The following PTPRN2 variants were observed in gnomAD, a reference collection of about 807,000 sequenced individuals.
PTPRN2 encodes the protein protein tyrosine phosphatase receptor type N2.
PTPRN2 carries 74 observed loss-of-function variants against 118.8 expected under a neutral mutation model. That is an observed-to-expected ratio of 0.62 (90% CI 0.52 to 0.76). The LOEUF (loss-of-function observed/expected upper bound fraction) is 0.76, where lower values mean the gene tolerates loss of function less well. Ranked by LOEUF, PTPRN2 falls within the 30% of genes least tolerant of loss-of-function variation. The pLI is 0.00. For missense variants in PTPRN2, 1,481 were observed against 1,394.4 expected (o/e 1.06, Z -0.99); for synonymous variants, 641 against 608.0 (o/e 1.05, Z -0.80).
chr7:157,706,975 GA>G (rs1291466075), intron 12 of PTPRN2, among the ~76,000 whole-genome samples: 2 of 152,128 alleles, frequency 1.3e-5, no homozygotes, highest in Non-Finnish European at 2.9e-5. Flanking sequence ...CATCCTTCCA[GA>G]ATGCCGGGAA....
chr7:158,324,531 T>C (rs1419028002), intron 2 of PTPRN2, among the ~76,000 whole-genome samples: 1 of 151,786 alleles, frequency 6.6e-6, no homozygotes, highest in Non-Finnish European at 1.5e-5. Flanking sequence ...TAGGAGGGGC[T>C]GGCATGAGTC....
At chr7:158,078,135 C>A (rs1487330453) in intron 11 of PTPRN2, among the ~76,000 whole-genome samples, 1 of 152,166 alleles carries the variant, frequency 6.6e-6, no homozygotes. Flanking sequence ...TACCACGTGA[C>A]GTTTGATGGG....
chr7:158,072,026 A>ATGGTGGAGGTGCTCATGG (rs1811938399), intron 11 of PTPRN2, among the ~76,000 whole-genome samples: 1 of 70,514 alleles, frequency 1.4e-5, no homozygotes, highest in Admixed American at 1.6e-4. Context: ...GGAGGTGCTC[A>ATGGTGGAGGTGCTCATGG]TGGTGGAGGT....
At chr7:158,268,760 C>A (rs555397781) in intron 3 of PTPRN2, among the ~76,000 whole-genome samples, 5 of 133,216 alleles carry the variant, frequency 3.8e-5, no homozygotes, top group African/African-American at 1.2e-4. Context: ...GCACACAGGG[C>A]GGGTGTGAAA....
At chr7:158,231,586 G>C (rs950979272) in intron 3 of PTPRN2, among the ~76,000 whole-genome samples, 1 of 152,074 alleles carries the variant, frequency 6.6e-6, no homozygotes, top group Non-Finnish European at 1.5e-5. Flanking sequence ...AATCAACAAA[G>C]AAACTTTAGA....
At chr7:158,224,989 G>A (rs1828644680) in intron 3 of PTPRN2, among the ~76,000 whole-genome samples, 1 of 152,042 alleles carries the variant, frequency 6.6e-6, no homozygotes, top group Non-Finnish European at 1.5e-5. Context: ...TCTCATCAGG[G>A]AAATGTCAAT....
intron 11 of PTPRN2, among the ~76,000 whole-genome samples, chr7:157,920,554 T>A (rs1007619840): frequency 5.3e-5 from 8 of 152,238 alleles, no homozygotes; most frequent in African/African-American, 1.9e-4. Flanking sequence ...AATGCTGAGA[T>A]GTTTGAGACT....
chr7:157,539,692 G>A lies in PTPRN2; in HGVS notation c.*1022C>T, dbSNP rs1797922216. ...AGGCTCTACGCAGTGCGTGCAGGTC[G>A]CCCTGATCTCCTCTCCCGGGAGGGA... On this transcript the variant is annotated 3_prime_UTR_variant, in exon 23 of 23. Transcript: ENST00000389418. The A allele has an allele frequency of 7.7e-6, 1 of 130,092 alleles. No homozygotes were observed. 8.1% of individuals were successfully genotyped at this position (130,092 alleles called of 1,614,324 possible). A position where few individuals can be genotyped will look rare whatever the true frequency, so the allele number is the denominator to read the frequency against.
chr7:157,904,481 C>T (rs976753369), intron 11 of PTPRN2, among the ~76,000 whole-genome samples: 1 of 152,246 alleles, frequency 6.6e-6, no homozygotes, highest in African/African-American at 2.4e-5. Context: ...CTCCACCATC[C>T]TCTGGAAAGC....
chr7:157,983,005 C>T (rs1456363603), intron 11 of PTPRN2, among the ~76,000 whole-genome samples: 3 of 3,132 alleles, frequency 9.6e-4, no homozygotes, highest in Admixed American at 2.2e-3. Context: ...GTCACAGAGA[C>T]GAGGAGGGGA....
intron 14 of PTPRN2, among the ~76,000 whole-genome samples, chr7:157,655,499 T>C (rs1806011206): frequency 6.6e-6 from 1 of 152,200 alleles, no homozygotes; most frequent in Non-Finnish European, 1.5e-5. Flanking sequence ...AATGTAAGCA[T>C]TTAACAGCAA....
chr7:158,110,233 T>C (rs1816111950), intron 10 of PTPRN2, among the ~76,000 whole-genome samples: 1 of 152,210 alleles, frequency 6.6e-6, no homozygotes, highest in Admixed American at 6.5e-5. Flanking sequence ...CCATCTCTGC[T>C]CCAAGCTTCA....
At chr7:157,817,222 T>C (rs1156524286) in intron 12 of PTPRN2, among the ~76,000 whole-genome samples, 2 of 152,068 alleles carry the variant, frequency 1.3e-5, no homozygotes, top group Non-Finnish European at 2.9e-5. Context: ...TAGGAGAGGG[T>C]TTTGCACACG....
At chr7:157,921,428 C>A (rs1563240719) in intron 11 of PTPRN2, among the ~76,000 whole-genome samples, 1 of 152,208 alleles carries the variant, frequency 6.6e-6, no homozygotes, top group Non-Finnish European at 1.5e-5. Flanking sequence ...CTTGCCCAAA[C>A]CCACAGAATG....
At chr7:157,621,563 C>T in intron 14 of PTPRN2, 54 bp from the exon 15 acceptor site, 1 of 1,596,212 alleles carries the variant, frequency 6.3e-7, no homozygotes. Flanking sequence ...CCCAGACCGG[C>T]AGATGCACAA....
At chr7:158,169,960 G>A (rs1308831213) in intron 5 of PTPRN2, among the ~76,000 whole-genome samples, 3 of 152,132 alleles carry the variant, frequency 2.0e-5, no homozygotes, top group South Asian at 2.1e-4. Flanking sequence ...CCAAAGTGCT[G>A]GGATTACAGT....
In PTPRN2 at chr7:158,395,888, C is replaced by A. The variant is rs574022702; in HGVS notation, c.164-78956G>T. On this transcript the variant is annotated intron_variant, in intron 2 of 22. Coordinates refer to ENST00000389418, the MANE Select transcript of PTPRN2 (RefSeq NM_002847.5). Reference sequence around the variant, plus strand: ...GGGCAGAGCGCCATGGAGGGCCCAGCCTGGAGGGGGAGCTCGGAGCCTGCA... The same window carrying A: ...GGGCAGAGCGCCATGGAGGGCCCAGACTGGAGGGGGAGCTCGGAGCCTGCA... Among the ~76,000 whole-genome samples, 1,513 of 152,020 alleles carry A rather than the reference C, an allele frequency of 1.0e-2. 31 individuals carry two copies. The highest frequency in any genetic ancestry group is 0.034 in the African/African-American group (1,408 of 41,374).
At chr7:158,122,304 G>T (rs949325111) in intron 9 of PTPRN2, among the ~76,000 whole-genome samples, 5 of 152,190 alleles carry the variant, frequency 3.3e-5, no homozygotes, top group Admixed American at 3.3e-4. Flanking sequence ...GGACAAGCCT[G>T]TTCCTATGGA....
At chr7:157,749,187 C>G (rs10232776) in intron 12 of PTPRN2, among the ~76,000 whole-genome samples, 152 of 23,202 alleles carry the variant, frequency 6.6e-3, no homozygotes, top group Middle Eastern at 0.028. Flanking sequence ...TCCCTGAGCT[C>G]TGGGCTGTCC....
Sources: gnomAD v4.1 joint callset for allele counts (sites outside exome capture counted in the v4.1 genomes callset) on GRCh38, gnomAD v4.1.1 for gene constraint, MANE v1.5 for transcripts, NCBI Gene and HGNC (gene_info 2026-07-23, HGNC 2026-07-21) for gene names.